Variants in RAP1GAP2 observed in about 807,000 individuals in gnomAD.
The protein encoded by RAP1GAP2 is RAP1 GTPase activating protein 2, also known as rap1 GTPase-activating protein 2.
A neutral mutation model predicts 95.0 loss-of-function variants in RAP1GAP2; 27 were observed. The ratio of observed to expected loss-of-function variants is 0.28; its 90% CI spans 0.21 to 0.39. The LOEUF is 0.39. Ranked by LOEUF, RAP1GAP2 falls within the 10% of genes least tolerant of loss-of-function variation. The probability of loss-of-function intolerance (pLI) is 1.00; values close to 1 mark genes in which losing one functional copy is unlikely to be tolerated. For synonymous variants in RAP1GAP2, 373 were observed against 380.9 expected (o/e 0.98, Z 0.24); for missense variants, 771 against 970.0 (o/e 0.79, Z 2.72).
intron 3 of RAP1GAP2, among the ~76,000 whole-genome samples, chr17:2,952,844 G>A (rs898000322): frequency 6.0e-5 from 9 of 150,926 alleles, no homozygotes; most frequent in East Asian, 1.9e-4. Flanking sequence ...TCACTTTGTC[G>A]CTCAGGCTGG....
At chr17:2,862,201 A>T (rs7222386) in intron 2 of RAP1GAP2, among the ~76,000 whole-genome samples, 101,831 of 152,106 alleles carry the variant, frequency 0.67, 34,607 homozygotes, top group African/African-American at 0.81. Context: ...TCTTCTTGAC[A>T]CTGCGTTCCT....
At chr17:2,990,681 C>T (rs1287370961) in intron 11 of RAP1GAP2, among the ~76,000 whole-genome samples, 2 of 152,158 alleles carry the variant, frequency 1.3e-5, no homozygotes, top group Non-Finnish European at 2.9e-5. Flanking sequence ...GCGTCATTTT[C>T]CATTTTCAGC....
chr17:2,969,496 C>CT (rs34468461), intron 8 of RAP1GAP2, among the ~76,000 whole-genome samples: 27,975 of 82,642 alleles, frequency 0.34, 6,361 homozygotes, highest in Non-Finnish European at 0.38. Flanking sequence ...TATATATATT[C>CT]TTTTTTTTTT....
chr17:3,018,025 G>C lies in RAP1GAP2; in HGVS notation c.1495-36G>C, dbSNP rs767015544. Reference sequence around the variant, plus strand: ...AGGGCAGAGTCATCCGGAGAGCCCGGGTGCTGATTCTCAGGCCCTTGTTCT... The same window carrying C: ...AGGGCAGAGTCATCCGGAGAGCCCGCGTGCTGATTCTCAGGCCCTTGTTCT... On this transcript the variant is annotated intron_variant, in intron 17 of 24. Coordinates refer to ENST00000254695, the MANE Select transcript of RAP1GAP2 (RefSeq NM_015085.5). The C allele has an allele frequency of 2.6e-6, 4 of 1,552,360 alleles. No individual in the cohort carries two copies. The African/African-American group carries it at 5.5e-5, about 21-fold the overall frequency.
At chr17:3,013,617 CT>C (rs1387667986) in intron 17 of RAP1GAP2, among the ~76,000 whole-genome samples, 2 of 119,972 alleles carry the variant, frequency 1.7e-5, no homozygotes, top group African/African-American at 6.4e-5. Context: ...CTGAGTTTTT[CT>C]TTTCTTTTCT....
Position 2,985,078 on chromosome 17 carries a change from C to T in RAP1GAP2, c.813+12C>T, listed in dbSNP as rs762760793. On this transcript the variant is annotated intron_variant, in intron 11 of 24. Coordinates refer to ENST00000254695, the MANE Select transcript of RAP1GAP2 (RefSeq NM_015085.5). The stretch of plus-strand genomic sequence containing the variant: ...AAAAAGCCAGGCAGGTAAGCAGCAC[C>T]ATCCATACCGGTGACTGTATCCCGT... 2 of 1,613,642 alleles carry T rather than the reference C, an allele frequency of 1.2e-6. No individual in the cohort carries two copies. Among genetic ancestry groups the T allele is most frequent in the South Asian group, 1.1e-5 (1 of 91,036 alleles).
rs2047222017 is a variant in RAP1GAP2 at position 3,029,359 on chromosome 17, C to T, written c.2108-1563C>T. Among the ~76,000 whole-genome samples, 1 of 152,146 alleles carries T rather than the reference C, an allele frequency of 6.6e-6. No homozygotes were observed. The highest frequency in any genetic ancestry group is 2.4e-5 in the African/African-American group (1 of 41,424). On this transcript the variant is annotated intron_variant, in intron 22 of 24. Coordinates refer to ENST00000254695, the MANE Select transcript of RAP1GAP2 (RefSeq NM_015085.5). This position sits in a 1 kb window ranked among gnomAD's most constrained non-coding sequence, Gnocchi z 4.4. ...TGAGGCTGCCTCTTACACACCTTTT[C>T]TCCACACAGTATTTAACCCCGATGG...
At chr17:2,776,813 C>A (rs1257737859), upstream of RAP1GAP2, among the ~76,000 whole-genome samples, 1 of 145,284 alleles carries the variant, frequency 6.9e-6, no homozygotes, top group African/African-American at 2.5e-5. Context: ...TGCGAGGGAC[C>A]CCGCCGCCCC....
intron 11 of RAP1GAP2, among the ~76,000 whole-genome samples, chr17:2,989,580 G>T (rs774595357): frequency 1.3e-5 from 2 of 152,012 alleles, no homozygotes; most frequent in African/African-American, 2.4e-5. Context: ...TGATCCACCC[G>T]CCTCGGCCTC....
intron 2 of RAP1GAP2, among the ~76,000 whole-genome samples, chr17:2,833,611 A>G (rs1597397947): frequency 6.8e-6 from 1 of 147,022 alleles, no homozygotes; most frequent in East Asian, 2.1e-4. Flanking sequence ...AATGGCATGA[A>G]CCTGGGAGGC....
chr17:2,976,244 C>A lies in RAP1GAP2; in HGVS notation c.597-4043C>A, dbSNP rs1406109551. ...AGTTAACAAATTTGATCTTGGCTAA[C>A]ATGTATTCTTGCTCTTAGCAAAAGA... On this transcript the variant is annotated intron_variant, in intron 8 of 24. Coordinates refer to ENST00000254695, the MANE Select transcript of RAP1GAP2 (RefSeq NM_015085.5). Among the ~76,000 whole-genome samples the A allele has an allele frequency of 3.3e-5, 5 of 152,270 alleles. No individual in the cohort carries two copies. In the East Asian group the frequency reaches 5.8e-4, roughly 18 times the overall value.
At chr17:2,801,983 G>A (rs911028802) in intron 2 of RAP1GAP2, among the ~76,000 whole-genome samples, 3 of 152,168 alleles carry the variant, frequency 2.0e-5, no homozygotes, top group Non-Finnish European at 4.4e-5. Context: ...ATGAGTACTG[G>A]CTAACCATCT....
At chr17:2,918,033 T>C (rs2042626838) in intron 3 of RAP1GAP2, among the ~76,000 whole-genome samples, 1 of 151,850 alleles carries the variant, frequency 6.6e-6, no homozygotes, top group Non-Finnish European at 1.5e-5. Flanking sequence ...ACCCTCTTCT[T>C]AGCTGTATAA....
At position 2,871,501 on chromosome 17, in the gene RAP1GAP2, T is replaced by C. The variant is rs1248971931; in HGVS notation, c.81-33783T>C. Reference sequence around the variant, plus strand: ...GTCCAGCGGGAGAGGGGCAGTTCCCTAAAGCAGAGGTGGGGAGCTTCATTA... The same window carrying C: ...GTCCAGCGGGAGAGGGGCAGTTCCCCAAAGCAGAGGTGGGGAGCTTCATTA... On this transcript the variant is annotated intron_variant, in intron 2 of 24. Transcript: ENST00000254695. This position sits in a 1 kb window ranked among gnomAD's most constrained non-coding sequence, Gnocchi z 5.0. 2.6e-5 allele frequency among the ~76,000 whole-genome samples: 4 copies of C among 152,088 alleles called. No homozygotes were observed. Among genetic ancestry groups the C allele is most frequent in the Non-Finnish European group, 5.9e-5 (4 of 68,002 alleles).
chr17:2,832,524 C>G (rs1299052606), intron 2 of RAP1GAP2, among the ~76,000 whole-genome samples: 4 of 143,012 alleles, frequency 2.8e-5, no homozygotes, highest in East Asian at 2.1e-4. Flanking sequence ...CGCCACTGCA[C>G]TCCAGCCTGG....
At chr17:2,775,213 A>G (rs58255647), upstream of RAP1GAP2, among the ~76,000 whole-genome samples, 28,748 of 152,036 alleles carry the variant, frequency 0.19, 3,111 homozygotes, top group South Asian at 0.36. Flanking sequence ...CAGGCCCTCA[A>G]GGAAGACCAG....
chr17:2,964,194 G>A, intron 7 of RAP1GAP2, 126 bp downstream of exon 7: 3 of 870,750 alleles, frequency 3.4e-6, no homozygotes, highest in Non-Finnish European at 5.1e-6. Flanking sequence ...TGTGGGAGAG[G>A]AGCTGCCAGG....
intron 2 of RAP1GAP2, among the ~76,000 whole-genome samples, chr17:2,831,637 T>TC (rs2070858483): frequency 6.7e-6 from 1 of 149,640 alleles, no homozygotes; most frequent in South Asian, 2.3e-4. Flanking sequence ...ATGCCTGTAA[T>TC]CCCAGGACCG....
At chr17:2,952,403 G>T (rs977226189) in intron 3 of RAP1GAP2, among the ~76,000 whole-genome samples, 1 of 152,180 alleles carries the variant, frequency 6.6e-6, no homozygotes, top group Non-Finnish European at 1.5e-5. Flanking sequence ...CTTAAACAGT[G>T]CTGGGACAAA....
Sources: allele counts gnomAD v4.1 joint callset (sites outside exome capture counted in the v4.1 genomes callset), GRCh38; gene constraint gnomAD v4.1.1; non-coding constraint Gnocchi (gnomAD v3.1); transcripts MANE v1.5; gene names NCBI Gene and HGNC (gene_info 2026-07-23, HGNC 2026-07-21).